Variants in HTR1F observed in about 807,000 individuals in gnomAD.
HTR1F encodes the protein 5-hydroxytryptamine receptor 1F.
Under a neutral mutation model 24.0 loss-of-function variants are expected in HTR1F, and 17 were observed. That is an observed-to-expected ratio of 0.71 (90% confidence interval 0.48 to 1.06). The LOEUF (loss-of-function observed/expected upper bound fraction) is 1.06, where lower values mean the gene tolerates loss of function less well. Among genes scored for constraint, HTR1F ranks in the 50% least tolerant of loss-of-function variants. HTR1F has a pLI of 0.00. For synonymous variants in HTR1F, 186 were observed against 156.8 expected (o/e 1.19, Z -1.39); for missense variants, 391 against 427.8 (o/e 0.91, Z 0.76).
chr3:87,986,037 A>C (rs1453420300), intron 2 of HTR1F, among the ~76,000 whole-genome samples: 1 of 151,946 alleles, frequency 6.6e-6, no homozygotes. Context: ...TTACAGACTA[A>C]TCTTGATTTT....
intron 2 of HTR1F, among the ~76,000 whole-genome samples, chr3:87,943,070 T>C (rs1180317325): frequency 6.6e-6 from 1 of 152,154 alleles, no homozygotes; most frequent in Non-Finnish European, 1.5e-5. Context: ...TCCTTAGTCC[T>C]CCTAGCACGC....
chr3:87,931,138 G>A (rs142196857), intron 2 of HTR1F, among the ~76,000 whole-genome samples: 29,475 of 150,318 alleles, frequency 0.2, 3,349 homozygotes, highest in African/African-American at 0.33. Context: ...ATGCTGGTGT[G>A]CTGCACCCAT....
chr3:87,809,961 A>AT (rs1161523305), intron 1 of HTR1F, among the ~76,000 whole-genome samples: 4 of 151,682 alleles, frequency 2.6e-5, no homozygotes, highest in East Asian at 1.9e-4. Context: ...CCATCTGGTT[A>AT]TTTTTTTTCC....
At chr3:87,841,760 C>T (rs564568596) in intron 2 of HTR1F, among the ~76,000 whole-genome samples, 8 of 151,276 alleles carry the variant, frequency 5.3e-5, no homozygotes, top group African/African-American at 1.5e-4. Context: ...ATTAGCCAGA[C>T]GTGGTGGCGC....
intron 2 of HTR1F, among the ~76,000 whole-genome samples, chr3:87,867,117 C>A (rs1705447268): frequency 6.6e-6 from 1 of 151,664 alleles, no homozygotes; most frequent in African/African-American, 2.4e-5. Context: ...TTTTCAAACA[C>A]CAAGCCATGA....
chr3:87,817,064 A>G (rs1258730840), intron 1 of HTR1F, among the ~76,000 whole-genome samples: 1 of 152,162 alleles, frequency 6.6e-6, no homozygotes, highest in African/African-American at 2.4e-5. Flanking sequence ...AGTTTTACTA[A>G]AGTTTCAGAT....
chr3:87,963,124 A>C (rs1019773483), intron 2 of HTR1F, among the ~76,000 whole-genome samples: 2 of 152,238 alleles, frequency 1.3e-5, no homozygotes, highest in African/African-American at 4.8e-5. Flanking sequence ...GGCAAGGGTT[A>C]GTGACATTTT....
At position 87,920,056 on chromosome 3, in the gene HTR1F, A is replaced by G. The variant is rs890642245; in HGVS notation, c.-42-70652A>G. Among the ~76,000 whole-genome samples, 23 of 131,544 alleles carry G rather than the reference A, an allele frequency of 1.7e-4. 1 individual carries two copies. Among genetic ancestry groups the G allele is most frequent in the African/African-American group, 6.0e-4 (20 of 33,120 alleles). 86.3% of individuals were successfully genotyped at this position (131,544 alleles called of 152,430 possible). A position where few individuals can be genotyped will look rare whatever the true frequency, so the allele number is the denominator to read the frequency against. ...ATATATATATATATATATATGATAG[A>G]ATACTACTCAGCCATAAAAAGGAAT... On this transcript the variant is annotated intron_variant, in intron 2 of 2. Coordinates refer to ENST00000319595, the MANE Select transcript of HTR1F (RefSeq NM_001322209.2).
intron 2 of HTR1F, among the ~76,000 whole-genome samples, chr3:87,912,932 A>G (rs1703812175): frequency 6.6e-6 from 1 of 152,180 alleles, no homozygotes; most frequent in Non-Finnish European, 1.5e-5. Flanking sequence ...ACATACAAAA[A>G]TCAACTCAAG....
intron 1 of HTR1F, among the ~76,000 whole-genome samples, chr3:87,799,235 A>AG (rs1703955979): frequency 6.6e-6 from 1 of 152,170 alleles, no homozygotes; most frequent in African/African-American, 2.4e-5. Flanking sequence ...TCCAAATGTG[A>AG]AGGTGACTCT....
At chr3:87,946,380 T>A (rs1163453415) in intron 2 of HTR1F, among the ~76,000 whole-genome samples, 1 of 152,118 alleles carries the variant, frequency 6.6e-6, no homozygotes, top group Non-Finnish European at 1.5e-5. Context: ...GAGGGTAGCC[T>A]GAAAAATAAT....
At chr3:87,847,170 C>T (rs1401836819) in intron 2 of HTR1F, among the ~76,000 whole-genome samples, 1 of 151,684 alleles carries the variant, frequency 6.6e-6, no homozygotes, top group Non-Finnish European at 1.5e-5. Flanking sequence ...GATTGATGAA[C>T]TATTTTTTAA....
chr3:87,823,624 C>T (rs1322716831), intron 2 of HTR1F, among the ~76,000 whole-genome samples: 2 of 151,628 alleles, frequency 1.3e-5, no homozygotes, highest in Admixed American at 6.6e-5. Context: ...AAGTGATCCT[C>T]CCACCTCAGC....
chr3:87,835,712 C>A (rs1235572341), intron 2 of HTR1F, among the ~76,000 whole-genome samples: 5 of 152,086 alleles, frequency 3.3e-5, no homozygotes, highest in South Asian at 4.1e-4. Flanking sequence ...GACCAAATTC[C>A]TTTTTAGCAT....
chr3:87,827,900 C>T (rs1704497440), intron 2 of HTR1F, among the ~76,000 whole-genome samples: 1 of 152,078 alleles, frequency 6.6e-6, no homozygotes, highest in Non-Finnish European at 1.5e-5. Flanking sequence ...GGAACTGTAC[C>T]CTTCTCTCCT....
intron 2 of HTR1F, among the ~76,000 whole-genome samples, chr3:87,848,329 A>T (rs1383355252): frequency 6.6e-6 from 1 of 151,592 alleles, no homozygotes; most frequent in African/African-American, 2.4e-5. Flanking sequence ...AGAAATGTCT[A>T]TTCATGTCTT....
chr3:87,810,781 A>T (rs138779019), intron 1 of HTR1F, among the ~76,000 whole-genome samples: 1 of 152,276 alleles, frequency 6.6e-6, no homozygotes, highest in Non-Finnish European at 1.5e-5. Flanking sequence ...ACTACATGCA[A>T]TCTTGAAAAT....
In HTR1F at chr3:87,818,598, C is replaced by T. The variant is rs76538201; in HGVS notation, c.-159-3410C>T. The stretch of plus-strand genomic sequence containing the variant: ...TGCCAAACAGTAGGTGGATAGGCTC[C>T]TCCACGGCCCCTCTCTTCTCAGACC... On this transcript the variant is annotated intron_variant, in intron 1 of 2. Coordinates refer to ENST00000319595, the MANE Select transcript of HTR1F (RefSeq NM_001322209.2). Among the ~76,000 whole-genome samples, 1,036 of 152,268 alleles carry T rather than the reference C, an allele frequency of 6.8e-3. 19 individuals are homozygous for T. Among genetic ancestry groups the T allele is most frequent in the African/African-American group, 0.024 (990 of 41,558 alleles).
intron 2 of HTR1F, among the ~76,000 whole-genome samples, chr3:87,913,005 A>C (rs1703815219): frequency 6.6e-6 from 1 of 152,186 alleles, no homozygotes; most frequent in Non-Finnish European, 1.5e-5. Flanking sequence ...GACCTAGGCA[A>C]TATGATTCAG....
Sources: allele counts gnomAD v4.1 joint callset (sites outside exome capture counted in the v4.1 genomes callset), GRCh38; gene constraint gnomAD v4.1.1; transcripts MANE v1.5; gene names NCBI Gene and HGNC (gene_info 2026-07-23, HGNC 2026-07-21).